TBC1D32: variants seen among roughly 807,000 people sequenced by gnomAD.
TBC1D32 encodes the protein protein broad-minded.
A neutral mutation model predicts 170.3 loss-of-function variants in TBC1D32; 151 were observed. That is an observed-to-expected ratio of 0.89 (90% confidence interval 0.78 to 1.01). The LOEUF (loss-of-function observed/expected upper bound fraction) is 1.01, where lower values mean the gene tolerates loss of function less well. TBC1D32 is among the 50% of genes least tolerant of loss of function. The probability of loss-of-function intolerance (pLI) is 0.00; values close to 1 mark genes in which losing one functional copy is unlikely to be tolerated. For missense variants in TBC1D32, 1,464 were observed against 1,457.1 expected (o/e 1.00, Z -0.08); for synonymous variants, 498 against 488.0 (o/e 1.02, Z -0.27).
At chr6:121,230,580 GAAAA>G (rs1293654107) in intron 20 of TBC1D32, among the ~76,000 whole-genome samples, 1 of 151,422 alleles carries the variant, frequency 6.6e-6, no homozygotes, top group Admixed American at 6.6e-5. Context: ...TGTGTCCACA[GAAAA>G]AATAAAGTTA....
At chr6:121,210,938 C>T (rs1029640897) in intron 21 of TBC1D32, among the ~76,000 whole-genome samples, 8 of 151,914 alleles carry the variant, frequency 5.3e-5, no homozygotes, top group East Asian at 1.9e-4. Context: ...AGTTAATAAA[C>T]GGGTGTTGTT....
intron 24 of TBC1D32, among the ~76,000 whole-genome samples, chr6:121,147,110 T>A (rs971000847): frequency 6.6e-6 from 1 of 152,230 alleles, no homozygotes; most frequent in Non-Finnish European, 1.5e-5. Flanking sequence ...CTTAGAATAA[T>A]GGCATCCAGC....
At chr6:121,299,571 T>C (rs1262558256) in intron 9 of TBC1D32, 66 bp from the exon 10 acceptor site, 3 of 1,386,528 alleles carry the variant, frequency 2.2e-6, no homozygotes, top group African/African-American at 1.5e-5. Flanking sequence ...TTTTCCTGCA[T>C]GATTTCTAAT....
chr6:121,156,761 T>C (rs1784944573), intron 24 of TBC1D32, among the ~76,000 whole-genome samples: 1 of 152,170 alleles, frequency 6.6e-6, no homozygotes, highest in Non-Finnish European at 1.5e-5. Flanking sequence ...TGACTTAATT[T>C]CATTGTTCAC....
intron 27 of TBC1D32, among the ~76,000 whole-genome samples, chr6:121,113,618 G>A (rs1779414647): frequency 6.6e-6 from 1 of 152,100 alleles, no homozygotes; most frequent in Non-Finnish European, 1.5e-5. Flanking sequence ...GGGCACTACT[G>A]GTACTTAATG....
intron 22 of TBC1D32, among the ~76,000 whole-genome samples, chr6:121,190,136 C>A (rs1449618339): frequency 2.1e-5 from 3 of 145,760 alleles, no homozygotes; most frequent in African/African-American, 5.1e-5. Context: ...ACACACGACC[C>A]TCTCCGTCCC....
chr6:121,239,305 G>A, intron 19 of TBC1D32, 117 bp from the exon 20 acceptor site: 1 of 490,014 alleles, frequency 2.0e-6, no homozygotes, highest in East Asian at 2.9e-5. Context: ...ACACATACTT[G>A]CATCTTATAT....
chr6:121,133,075 CTTAA>C (rs1781616088), intron 24 of TBC1D32, among the ~76,000 whole-genome samples: 1 of 151,782 alleles, frequency 6.6e-6, no homozygotes, highest in African/African-American at 2.4e-5. Flanking sequence ...GGGTTAAAGG[CTTAA>C]TTGTTTCTGC....
At chr6:121,329,366 C>T (rs12209087) in intron 1 of TBC1D32, among the ~76,000 whole-genome samples, 97,980 of 152,062 alleles carry the variant, frequency 0.64, 37,054 homozygotes, top group Non-Finnish European at 0.85. Context: ...AAAAGGCAAG[C>T]GGTCAGGAGC....
intron 30 of TBC1D32, chr6:121,096,330 T>A (rs1046561635): frequency 2.0e-5 from 3 of 152,090 alleles, no homozygotes; most frequent in East Asian, 1.9e-4. Flanking sequence ...CTTAAGCTGA[T>A]AAGCAACTTC....
At chr6:121,266,710 A>G in intron 15 of TBC1D32, among the ~76,000 whole-genome samples, 1 of 152,174 alleles carries the variant, frequency 6.6e-6, no homozygotes, top group Middle Eastern at 3.2e-3. Context: ...GCACACATAC[A>G]CCATGGAATA....
At chr6:121,270,477 A>G (rs1045393763) in intron 15 of TBC1D32, among the ~76,000 whole-genome samples, 2 of 152,192 alleles carry the variant, frequency 1.3e-5, no homozygotes, top group Non-Finnish European at 2.9e-5. Flanking sequence ...AGAATACTAT[A>G]AACACCTCTA....
At position 121,131,754 on chromosome 6, in the gene TBC1D32, T is replaced by C. The variant is rs1207175241; in HGVS notation, c.2774-2A>G. ...ATAAAAGCTTGTCAAGATCATTGTC[T>C]AATCAGAAAGATAACATACTATTAT... On this transcript the variant is annotated splice_acceptor_variant, in intron 24 of 31. Coordinates refer to ENST00000398212, the MANE Select transcript of TBC1D32 (RefSeq NM_152730.6). LOFTEE classifies it high-confidence loss of function. 3 of 1,578,622 alleles carry C rather than the reference T, an allele frequency of 1.9e-6. No homozygotes were observed. The highest frequency in any genetic ancestry group is 2.2e-5 in the South Asian group (2 of 89,786).
intron 11 of TBC1D32, among the ~76,000 whole-genome samples, chr6:121,293,484 A>G (rs76963517): frequency 0.033 from 4,997 of 152,314 alleles, 193 homozygotes; most frequent in East Asian, 0.12. Flanking sequence ...TACTCTCAAA[A>G]GAGCTTACTA....
At chr6:121,298,605 A>T (rs1310696737) in intron 10 of TBC1D32, among the ~76,000 whole-genome samples, 1 of 152,104 alleles carries the variant, frequency 6.6e-6, no homozygotes, top group Non-Finnish European at 1.5e-5. Context: ...TTCTTTAAAA[A>T]TTTTGAAGTA....
chr6:121,292,592 G>A (rs1025593607), intron 11 of TBC1D32, among the ~76,000 whole-genome samples: 8 of 152,050 alleles, frequency 5.3e-5, no homozygotes, highest in Admixed American at 1.3e-4. Flanking sequence ...TAACAAGCAC[G>A]TCTAAGTGAA....
intron 24 of TBC1D32, 137 bp from the exon 25 acceptor site, chr6:121,131,889 T>C: frequency 1.7e-6 from 1 of 571,586 alleles, no homozygotes; most frequent in Non-Finnish European, 2.9e-6. Context: ...TATTCTTCTG[T>C]AATTACATCT....
At chr6:121,237,811 T>C (rs528751222) in intron 20 of TBC1D32, among the ~76,000 whole-genome samples, 2 of 152,222 alleles carry the variant, frequency 1.3e-5, no homozygotes, top group South Asian at 4.1e-4. Flanking sequence ...CCTAAATTCT[T>C]CATTTCACAA....
rs187972405 is a variant in TBC1D32 at position 121,155,087 on chromosome 6, T to C, written c.2773+4923A>G. Among the ~76,000 whole-genome samples, 3 of 152,340 alleles carry C rather than the reference T, an allele frequency of 2.0e-5. No individual in the cohort carries two copies. The East Asian group carries it at 5.8e-4, about 29-fold the overall frequency. On this transcript the variant is annotated intron_variant, in intron 24 of 31. Coordinates refer to ENST00000398212, the MANE Select transcript of TBC1D32 (RefSeq NM_152730.6). Reference sequence around the variant, plus strand: ...ATAGCACTGAATCTATAAATTGCTTTGGGAAGTATGGCCATTTTAACAATA... The same window carrying C: ...ATAGCACTGAATCTATAAATTGCTTCGGGAAGTATGGCCATTTTAACAATA...
Sources: allele counts gnomAD v4.1 joint callset (sites outside exome capture counted in the v4.1 genomes callset), GRCh38; gene constraint gnomAD v4.1.1; transcripts MANE v1.5; gene names NCBI Gene and HGNC (gene_info 2026-07-23, HGNC 2026-07-21).